CAMKMT: variants seen among roughly 807,000 people sequenced by gnomAD.
CAMKMT encodes calmodulin-lysine N-methyltransferase.
In CAMKMT, 53 loss-of-function variants were observed where a neutral mutation model predicts 48.0. That is an observed-to-expected ratio of 1.10 (90% CI 0.89 to 1.39). The LOEUF (loss-of-function observed/expected upper bound fraction) is 1.39, where lower values mean the gene tolerates loss of function less well. Ranked by LOEUF, CAMKMT falls within the 40% of genes most tolerant of loss-of-function variation. The pLI, the probability that CAMKMT is intolerant of heterozygous loss-of-function variation, is 0.00. For synonymous variants in CAMKMT, 165 were observed against 152.3 expected (o/e 1.08, Z -0.61); for missense variants, 428 against 402.7 (o/e 1.06, Z -0.54).
intron 3 of CAMKMT, among the ~76,000 whole-genome samples, chr2:44,701,346 A>G (rs925463687): frequency 6.6e-6 from 1 of 152,178 alleles, no homozygotes; most frequent in Non-Finnish European, 1.5e-5. Context: ...GTGAAGTGGT[A>G]TCTCATTTAG....
intron 2 of CAMKMT, among the ~76,000 whole-genome samples, chr2:44,378,023 A>G (rs1679870082): frequency 1.3e-5 from 2 of 152,260 alleles, no homozygotes; most frequent in Admixed American, 1.3e-4. Context: ...CGAGGCTGGC[A>G]TCTAAGACAA....
At chr2:44,471,044 G>A (rs1203586978) in intron 3 of CAMKMT, among the ~76,000 whole-genome samples, 1 of 141,850 alleles carries the variant, frequency 7.0e-6, no homozygotes, top group African/African-American at 2.6e-5. Context: ...ACCCAGGCTG[G>A]AGTGCAGTGG....
chr2:44,523,149 C>T (rs1239379310), intron 3 of CAMKMT, among the ~76,000 whole-genome samples: 1 of 152,004 alleles, frequency 6.6e-6, no homozygotes, highest in Non-Finnish European at 1.5e-5. Context: ...AAAAAAAAGC[C>T]TACCAATATT....
chr2:44,492,134 A>T (rs929900077), intron 3 of CAMKMT, among the ~76,000 whole-genome samples: 5 of 152,224 alleles, frequency 3.3e-5, no homozygotes, highest in Non-Finnish European at 5.9e-5. Context: ...AGACTGTATG[A>T]GGATTAATGA....
Position 44,528,772 on chromosome 2 carries a change from G to C in CAMKMT, c.376+138467G>C, listed in dbSNP as rs776872916. 2.6e-5 allele frequency among the ~76,000 whole-genome samples: 4 copies of C among 152,140 alleles called. No individual in the cohort carries two copies. In the East Asian group the frequency reaches 7.7e-4, roughly 29 times the overall value. On this transcript the variant is annotated intron_variant, in intron 3 of 10. Coordinates refer to ENST00000378494, the MANE Select transcript of CAMKMT (RefSeq NM_024766.5). ...CTATTCATCTTGTTTCTTGCACACA[G>C]GATTTGCTTATTGCATCTCTGTGGT...
chr2:44,401,926 C>G (rs1558581072), intron 3 of CAMKMT, among the ~76,000 whole-genome samples: 1 of 152,050 alleles, frequency 6.6e-6, no homozygotes, highest in Non-Finnish European at 1.5e-5. Flanking sequence ...CCATGGCTTC[C>G]TTTTTGTTTG....
At chr2:44,419,788 T>G (rs1460803412) in intron 3 of CAMKMT, among the ~76,000 whole-genome samples, 1 of 152,152 alleles carries the variant, frequency 6.6e-6, no homozygotes, top group East Asian at 1.9e-4. Flanking sequence ...GCCCAAGAAT[T>G]CAAAGCTATT....
intron 3 of CAMKMT, among the ~76,000 whole-genome samples, chr2:44,560,801 AAT>A (rs1668283947): frequency 6.6e-6 from 1 of 152,118 alleles, no homozygotes; most frequent in Admixed American, 6.6e-5. Context: ...CAAAGTTACT[AAT>A]ATTGATTTTG....
chr2:44,608,906 A>G (rs1342467733), intron 3 of CAMKMT, among the ~76,000 whole-genome samples: 1 of 152,174 alleles, frequency 6.6e-6, no homozygotes, highest in South Asian at 2.1e-4. Flanking sequence ...GTATTTTAAG[A>G]TTATTTTCCA....
intron 3 of CAMKMT, among the ~76,000 whole-genome samples, chr2:44,551,949 G>A (rs185494933): frequency 6.8e-4 from 103 of 152,242 alleles, no homozygotes; most frequent in African/African-American, 2.2e-3. Context: ...TACTCAGGGC[G>A]AAGTGTAATA....
chr2:44,481,959 A>G (rs1668984426), intron 3 of CAMKMT, among the ~76,000 whole-genome samples: 1 of 152,114 alleles, frequency 6.6e-6, no homozygotes, highest in Non-Finnish European at 1.5e-5. Context: ...TCTATTTAAA[A>G]ATGAATATGT....
At chr2:44,524,685 A>G (rs1204370103) in intron 3 of CAMKMT, among the ~76,000 whole-genome samples, 1 of 152,028 alleles carries the variant, frequency 6.6e-6, no homozygotes, top group African/African-American at 2.4e-5. Context: ...TACTTTTTAT[A>G]TCCCTCTGTT....
At chr2:44,365,442 T>C (rs1438592288) in intron 1 of CAMKMT, among the ~76,000 whole-genome samples, 2 of 152,210 alleles carry the variant, frequency 1.3e-5, no homozygotes, top group East Asian at 1.9e-4. Flanking sequence ...GTCTGGAAGA[T>C]GATGAATCAA....
chr2:44,408,330 T>C (rs1458887180), intron 3 of CAMKMT, among the ~76,000 whole-genome samples: 2 of 152,154 alleles, frequency 1.3e-5, no homozygotes, highest in Admixed American at 1.3e-4. Flanking sequence ...GGCCGTCTTT[T>C]ACTCTTTATA....
chr2:44,454,389 T>A (rs1667451237), intron 3 of CAMKMT, among the ~76,000 whole-genome samples: 1 of 152,098 alleles, frequency 6.6e-6, no homozygotes, highest in African/African-American at 2.4e-5. Context: ...TTACCCAATA[T>A]CCAATAATGT....
intron 3 of CAMKMT, among the ~76,000 whole-genome samples, chr2:44,624,965 C>T (rs902216839): frequency 2.6e-5 from 4 of 152,110 alleles, no homozygotes; most frequent in Admixed American, 2.0e-4. Flanking sequence ...GTTCCTATTT[C>T]TCCACATCCT....
intron 9 of CAMKMT, among the ~76,000 whole-genome samples, chr2:44,765,581 G>C (rs1435285697): frequency 3.0e-4 from 46 of 151,124 alleles, no homozygotes; most frequent in Non-Finnish European, 1.5e-5. Context: ...ACACATCTGA[G>C]AGGGAGGAAA....
chr2:44,362,204 G>T, intron 1 of CAMKMT, 59 bp downstream of exon 1: 1 of 1,353,352 alleles, frequency 7.4e-7, no homozygotes, highest in Non-Finnish European at 9.6e-7. Context: ...TCACGTACCG[G>T]GGGAGCGACT....
At chr2:44,754,742 A>G (rs1021860490) in intron 9 of CAMKMT, among the ~76,000 whole-genome samples, 14 of 151,814 alleles carry the variant, frequency 9.2e-5, no homozygotes, top group African/African-American at 3.4e-4. Flanking sequence ...GTTTGTATCC[A>G]CTCTTATTTT....
Sources: allele counts gnomAD v4.1 joint callset (sites outside exome capture counted in the v4.1 genomes callset), GRCh38; gene constraint gnomAD v4.1.1; transcripts MANE v1.5; gene names NCBI Gene and HGNC (gene_info 2026-07-23, HGNC 2026-07-21).